Variants in YLPM1 observed in about 807,000 individuals in gnomAD.
YLPM1 encodes the protein YLP motif-containing protein 1.
YLPM1 carries 99 observed loss-of-function variants against 230.0 expected under a neutral mutation model. That is an observed-to-expected ratio of 0.43 (90% CI 0.37 to 0.51). YLPM1 has a LOEUF of 0.51. Ranked by LOEUF, YLPM1 falls within the 20% of genes least tolerant of loss-of-function variation. The probability of loss-of-function intolerance (pLI) is 0.00; values close to 1 mark genes in which losing one functional copy is unlikely to be tolerated. For missense variants in YLPM1, 2,592 were observed against 2,707.7 expected, an observed-to-expected ratio of 0.96 and a Z score of 0.95; for synonymous variants, 984 against 942.5, an observed-to-expected ratio of 1.04 and a Z score of -0.81.
chr14:74,827,283 G>C (rs1038077246), intron 18 of YLPM1: 6 of 915,726 alleles, frequency 6.6e-6, no homozygotes. Context: ...TAGTGTGCAT[G>C]TATTGAACAC....
chr14:74,835,134 GGTTA>G (rs1182338674), intron 19 of YLPM1, 127 bp from the exon 20 acceptor site: 27 of 1,160,230 alleles, frequency 2.3e-5, no homozygotes, highest in Non-Finnish European at 3.1e-5. Context: ...AGTTTTCCTG[GGTTA>G]GTTTTTAATT....
Position 74,809,421 on chromosome 14 carries a change from A to G in YLPM1, c.4563A>G (p.Pro1521=), listed in dbSNP as rs772468288. Residue 1521 remains proline, a synonymous_variant, in exon 7 of 21, where the codon CCA becomes CCG. Transcript: ENST00000325680. ...GACCTCCCCCTCCTATGGGCAAACC[A>G]CCAGGTTCAATTGTAAGACCCTCTG... is the stretch of plus-strand genomic sequence containing the variant. ...SYRPPPPMGK[P]PGSIVRPSAP... is the part of the protein sequence containing the mutation. The G allele has an allele frequency of 6.2e-7, 1 of 1,608,236 alleles. No individual in the cohort carries two copies. Among genetic ancestry groups the G allele is most frequent in the South Asian group, 1.1e-5 (1 of 89,920 alleles).
intron 1 of YLPM1, 114 bp from the exon 2 acceptor site, chr14:74,778,333 C>T: frequency 1.1e-6 from 1 of 936,064 alleles, no homozygotes; most frequent in South Asian, 1.8e-5. Flanking sequence ...CTAGCTTTGC[C>T]TTTTTTTACA....
chr14:74,827,271 A>G (rs2091571317), intron 18 of YLPM1: 1 of 881,638 alleles, frequency 1.1e-6, no homozygotes, highest in Non-Finnish European at 1.4e-6. Context: ...TCTGAAAATC[A>G]TTAGTGTGCA....
At chr14:74,801,691 C>G (rs750746805) in intron 5 of YLPM1, among the ~76,000 whole-genome samples, 6 of 152,154 alleles carry the variant, frequency 3.9e-5, no homozygotes, top group Non-Finnish European at 8.8e-5. Context: ...CAGGTTGTTT[C>G]ATCTAACATG....
chr14:74,801,064 A>G (rs754439695), intron 5 of YLPM1, among the ~76,000 whole-genome samples: 3 of 152,224 alleles, frequency 2.0e-5, no homozygotes, highest in Non-Finnish European at 4.4e-5. Context: ...TGGTGTTGTT[A>G]AGCTGCCAAG....
rs552962100 is a variant in YLPM1 at position 74,829,412 on chromosome 14, C to T, written c.6294+69C>T. On this transcript the variant is annotated intron_variant, in intron 19 of 20. Coordinates refer to ENST00000325680, the MANE Select transcript of YLPM1 (RefSeq NM_019589.3). ...TTAGGCATCTGGTTTTAGGAAGTTA[C>T]AGGCAGATGATCACATGGATGCTAT... is the stretch of plus-strand genomic sequence containing the variant. 188 of 1,593,180 alleles carry T rather than the reference C, an allele frequency of 1.2e-4. 1 individual carries two copies. In the African/African-American group the frequency reaches 2.4e-3, roughly 20 times the overall value.
At chr14:74,810,791 G>A (rs956005735) in intron 9 of YLPM1, among the ~76,000 whole-genome samples, 1 of 151,966 alleles carries the variant, frequency 6.6e-6, no homozygotes, top group East Asian at 1.9e-4. Context: ...GGAAAGGGGG[G>A]CAAGCCCATG....
chr14:74,780,998 G>A (rs752378929), intron 3 of YLPM1, among the ~76,000 whole-genome samples: 12 of 152,154 alleles, frequency 7.9e-5, no homozygotes, highest in Non-Finnish European at 1.8e-4. Context: ...TATCTTTGAG[G>A]GGTAATGTTG....
At chr14:74,768,175 G>A (rs938286533) in intron 1 of YLPM1, among the ~76,000 whole-genome samples, 25 of 152,128 alleles carry the variant, frequency 1.6e-4, no homozygotes, top group African/African-American at 5.6e-4. Context: ...GGAAGGACAA[G>A]ATAAATACTT....
At chr14:74,823,870 G>A (rs2091542774) in intron 17 of YLPM1, 1 of 157,932 alleles carries the variant, frequency 6.3e-6, no homozygotes, top group Non-Finnish European at 1.4e-5. Context: ...GTTGTATTTA[G>A]AAGATAACCT....
intron 9 of YLPM1, among the ~76,000 whole-genome samples, chr14:74,811,397 T>A (rs2091433066): frequency 6.6e-6 from 1 of 151,906 alleles, no homozygotes; most frequent in African/African-American, 2.4e-5. Context: ...ATGGGAGGAT[T>A]GCTTGAACAC....
Position 74,818,042 on chromosome 14 carries a change from C to T in YLPM1, c.5947-189C>T, listed in dbSNP as rs868520189. Among the ~76,000 whole-genome samples the T allele has an allele frequency of 3.2e-4, 47 of 148,890 alleles. No homozygotes were observed. In the Middle Eastern group the frequency reaches 0.014, roughly 43 times the overall value. ...CTACACTCCAGCCTGGGTGACAGACCGAGATTCTGTCTCAAAAAAAAAAAG... is the reference window on the plus strand; with the variant it reads ...CTACACTCCAGCCTGGGTGACAGACTGAGATTCTGTCTCAAAAAAAAAAAG... On this transcript the variant is annotated intron_variant, in intron 15 of 20. Coordinates refer to ENST00000325680, the MANE Select transcript of YLPM1 (RefSeq NM_019589.3).
At chr14:74,820,916 G>A (rs1191627286) in intron 16 of YLPM1, 141 bp from the exon 17 acceptor site, 1 of 871,028 alleles carries the variant, frequency 1.1e-6, no homozygotes, top group Admixed American at 4.0e-5. Flanking sequence ...TCAAAATTTA[G>A]GGTGTTAAAA....
chr14:74,797,677 A>C lies in YLPM1; in HGVS notation c.2380A>C (p.Arg794=). 6.2e-7 allele frequency: 1 copy of C among 1,610,648 alleles called. No homozygotes were observed. The highest frequency in any genetic ancestry group is 1.1e-5 in the South Asian group (1 of 90,884). Residue 794 remains arginine (R), a synonymous_variant, in exon 5 of 21, where the codon AGA becomes CGA. Transcript: ENST00000325680. ...RFEGNRPDGP[R]PRYEGHPAEG... ...TGAAGGAAATCGCCCCGATGGGCCA[A>C]GACCCAGATATGAAGGTCACCCAGC...
chr14:74,789,341 C>T (rs1162856428), intron 4 of YLPM1, among the ~76,000 whole-genome samples: 2 of 152,132 alleles, frequency 1.3e-5, no homozygotes, highest in African/African-American at 4.8e-5. Context: ...CTCAGCTTCC[C>T]AAGTAGCTGG....
At chr14:74,822,924 A>G (rs1368171599) in intron 17 of YLPM1, among the ~76,000 whole-genome samples, 1 of 152,118 alleles carries the variant, frequency 6.6e-6, no homozygotes, top group Admixed American at 6.6e-5. Flanking sequence ...TAAAATTTAT[A>G]AATATATTAT....
rs780629412 is a variant in YLPM1, at chr14:74,799,563, C to T, written c.4266C>T (p.Ser1422=). 1 of 1,613,950 alleles carries T rather than the reference C, an allele frequency of 6.2e-7. No homozygotes were observed. The highest frequency in any genetic ancestry group is 8.5e-7 in the Non-Finnish European group (1 of 1,179,884). Residue 1422 remains serine, a synonymous_variant, in exon 5 of 21, where the codon TCC becomes TCT. Transcript: ENST00000325680. Reference sequence around the variant, plus strand: ...CCCCCATGGCGGAACATATGCCCTCCTCACATCATTCCTCAGAAATGATGG... The same window carrying T: ...CCCCCATGGCGGAACATATGCCCTCTTCACATCATTCCTCAGAAATGATGG... ...RHSPMAEHMP[S]SHHSSEMMGS...
At position 74,766,143 on chromosome 14, in the gene YLPM1, G is replaced by T. The variant is rs188212313; in HGVS notation, c.873+1781G>T. ...TTATCTTACTTATCTTCTTATTACCGTAGCACCTAGGACAGTGCCTTGCAA... is the reference window on the plus strand; with the variant it reads ...TTATCTTACTTATCTTCTTATTACCTTAGCACCTAGGACAGTGCCTTGCAA... On this transcript the variant is annotated intron_variant, in intron 1 of 20. Coordinates refer to ENST00000325680, the MANE Select transcript of YLPM1 (RefSeq NM_019589.3). Among the ~76,000 whole-genome samples the T allele has an allele frequency of 3.5e-3, 527 of 152,148 alleles. 1 individual carries two copies. The highest frequency in any genetic ancestry group is 5.7e-3 in the Non-Finnish European group (387 of 68,016).
Sources: gnomAD v4.1 joint callset for allele counts (sites outside exome capture counted in the v4.1 genomes callset) on GRCh38, gnomAD v4.1.1 for gene constraint, MANE v1.5 for transcripts, NCBI Gene and HGNC (gene_info 2026-07-23, HGNC 2026-07-21) for gene names.